ME1: variants seen among roughly 807,000 people sequenced by gnomAD.
ME1 encodes malic enzyme 1.
ME1 carries 74 observed loss-of-function variants against 66.4 expected under a neutral mutation model. That is an observed-to-expected ratio of 1.11 (90% CI 0.92 to 1.35). The LOEUF (loss-of-function observed/expected upper bound fraction) is 1.35, where lower values mean the gene tolerates loss of function less well. ME1 is among the 40% of genes most tolerant of loss of function. The probability of loss-of-function intolerance (pLI) is 0.00; values close to 1 mark genes in which losing one functional copy is unlikely to be tolerated. For synonymous variants in ME1, 251 were observed against 235.6 expected, an observed-to-expected ratio of 1.07 and a Z score of -0.60; for missense variants, 750 against 694.1, an observed-to-expected ratio of 1.08 and a Z score of -0.90.
chr6:83,417,046 G>GT (rs1224647084), intron 1 of ME1, among the ~76,000 whole-genome samples: 1 of 151,924 alleles, frequency 6.6e-6, no homozygotes, highest in African/African-American at 2.4e-5. Context: ...CTGCAATAAG[G>GT]TTTTGTTTTG....
chr6:83,274,945 C>T (rs1040928330), intron 6 of ME1, among the ~76,000 whole-genome samples: 3 of 151,996 alleles, frequency 2.0e-5, no homozygotes, highest in Admixed American at 6.6e-5. Flanking sequence ...TCCAAAAATG[C>T]CCCAGGAAAG....
intron 1 of ME1, among the ~76,000 whole-genome samples, chr6:83,417,396 T>TGTTG (rs1770183180): frequency 6.6e-6 from 1 of 151,690 alleles, no homozygotes; most frequent in African/African-American, 2.4e-5. Context: ...TTGTTGTTGT[T>TGTTG]TTGAGACGGA....
At chr6:83,212,115 T>C (rs181276287) in intron 13 of ME1, 21 bp from the exon 14 acceptor site, 13 of 1,518,048 alleles carry the variant, frequency 8.6e-6, no homozygotes, top group Admixed American at 5.4e-5. Flanking sequence ...GAAAAGAATA[T>C]TAATTATTTT....
chr6:83,242,110 G>A (rs903485206), intron 7 of ME1, among the ~76,000 whole-genome samples: 9 of 152,114 alleles, frequency 5.9e-5, no homozygotes, highest in African/African-American at 2.2e-4. Context: ...TGATCTGCCC[G>A]CCTCAGCCTC....
chr6:83,292,383 T>G (rs1334874068), intron 6 of ME1, among the ~76,000 whole-genome samples: 1 of 152,178 alleles, frequency 6.6e-6, no homozygotes, highest in Non-Finnish European at 1.5e-5. Flanking sequence ...GCCCCTCAGC[T>G]GCAGTTACTT....
intron 1 of ME1, among the ~76,000 whole-genome samples, chr6:83,421,644 C>T (rs1770271061): frequency 6.6e-6 from 1 of 152,114 alleles, no homozygotes; most frequent in African/African-American, 2.4e-5. Context: ...GACTCAAAAG[C>T]AGCAGAAAAG....
chr6:83,319,374 C>T (rs561357099), intron 5 of ME1, among the ~76,000 whole-genome samples: 2 of 151,550 alleles, frequency 1.3e-5, no homozygotes, highest in Non-Finnish European at 2.9e-5. Context: ...AGGAACTGGT[C>T]CCGCATCACT....
Position 83,272,787 on chromosome 6 carries a change from C to T in ME1, c.705-19049G>A, listed in dbSNP as rs149942921. ...TATATATGCAGATAATATTTATATG[C>T]GTATACATTTATATTGATATTTATA... On this transcript the variant is annotated intron_variant, in intron 6 of 13. Transcript: ENST00000369705. 1.2e-4 allele frequency among the ~76,000 whole-genome samples: 18 copies of T among 152,142 alleles called. No homozygotes were observed. In the East Asian group the frequency reaches 2.5e-3, roughly 21 times the overall value.
intron 6 of ME1, among the ~76,000 whole-genome samples, chr6:83,300,653 T>A (rs2128536634): frequency 7.6e-6 from 1 of 130,920 alleles, no homozygotes; most frequent in African/African-American, 3.0e-5. Flanking sequence ...TTGTGCAGGA[T>A]CTAGAACTAG....
At chr6:83,327,152 G>A (rs1768309799) in intron 5 of ME1, among the ~76,000 whole-genome samples, 1 of 152,100 alleles carries the variant, frequency 6.6e-6, no homozygotes, top group Non-Finnish European at 1.5e-5. Flanking sequence ...AATCCTGTCA[G>A]CTAAGAAGGA....
At chr6:83,219,357 C>T (rs1206955524) in intron 12 of ME1, among the ~76,000 whole-genome samples, 1 of 152,160 alleles carries the variant, frequency 6.6e-6, no homozygotes, top group African/African-American at 2.4e-5. Context: ...TGGTTGAAGG[C>T]TCAGGCTCTG....
At chr6:83,257,552 G>T (rs1014586721) in intron 6 of ME1, among the ~76,000 whole-genome samples, 13 of 152,052 alleles carry the variant, frequency 8.5e-5, no homozygotes, top group Admixed American at 2.0e-4. Flanking sequence ...ATGGGATGGG[G>T]GGTCAATTCT....
chr6:83,227,282 C>T, intron 11 of ME1, 53 bp downstream of exon 11: 1 of 1,316,826 alleles, frequency 7.6e-7, no homozygotes, highest in Non-Finnish European at 1.0e-6. Flanking sequence ...CTAGGCCTCC[C>T]TATAATGAAT....
chr6:83,429,124 A>T (rs12204138), intron 1 of ME1, among the ~76,000 whole-genome samples: 1 of 151,988 alleles, frequency 6.6e-6, no homozygotes, highest in African/African-American at 2.4e-5. Context: ...TTTGCCGGGC[A>T]TGGTGGCGGG....
intron 3 of ME1, among the ~76,000 whole-genome samples, chr6:83,368,222 A>G (rs913920902): frequency 3.9e-5 from 6 of 152,054 alleles, no homozygotes; most frequent in Admixed American, 3.3e-4. Context: ...AGATCACTAT[A>G]AAAGTTATAA....
In ME1 at chr6:83,216,526, C is replaced by G; in HGVS notation, c.1520G>C (p.Arg507Thr). ...TTCTGCAATTTTCAGAGAAACATCTCTAATGGTATTCAAAGGAGGATAAAG... is the reference window on the plus strand; with the variant it reads ...TTCTGCAATTTTCAGAGAAACATCTGTAATGGTATTCAAAGGAGGATAAAG... ...GRLYPPLNTIRDVSLKIAEKI... is the reference protein window; with the variant it reads ...GRLYPPLNTITDVSLKIAEKI... Residue 507 changes from arginine to threonine, a missense_variant, in exon 13 of 14, where the codon AGA becomes ACA. Physicochemically the swap from Arg to Thr is moderately conservative, Grantham distance 71. Coordinates refer to ENST00000369705, the MANE Select transcript of ME1 (RefSeq NM_002395.6). 1 of 1,611,646 alleles carries G rather than the reference C, an allele frequency of 6.2e-7. No individual in the cohort carries two copies. Among genetic ancestry groups the G allele is most frequent in the Non-Finnish European group, 8.5e-7 (1 of 1,179,154 alleles).
intron 6 of ME1, among the ~76,000 whole-genome samples, chr6:83,256,262 A>G (rs1019451610): frequency 3.9e-5 from 6 of 152,220 alleles, no homozygotes; most frequent in African/African-American, 7.2e-5. Flanking sequence ...TGACTGGCAC[A>G]TGAGTACTCT....
intron 6 of ME1, among the ~76,000 whole-genome samples, chr6:83,300,211 C>T (rs1767689088): frequency 6.6e-6 from 1 of 152,090 alleles, no homozygotes; most frequent in African/African-American, 2.4e-5. Flanking sequence ...TGAAGCTAGA[C>T]TCCTTCTTTA....
At chr6:83,376,432 T>C (rs1259555956) in intron 3 of ME1, among the ~76,000 whole-genome samples, 1 of 141,326 alleles carries the variant, frequency 7.1e-6, no homozygotes, top group Non-Finnish European at 1.5e-5. Context: ...GAGCTGGAGG[T>C]TGTGGTGAGC....
Sources: allele counts gnomAD v4.1 joint callset (sites outside exome capture counted in the v4.1 genomes callset), GRCh38; gene constraint gnomAD v4.1.1; transcripts MANE v1.5; gene names NCBI Gene and HGNC (gene_info 2026-07-23, HGNC 2026-07-21).